RIMS1: variants seen among roughly 807,000 people sequenced by gnomAD.
RIMS1 encodes the protein regulating synaptic membrane exocytosis protein 1.
Under a neutral mutation model 214.1 loss-of-function variants are expected in RIMS1, and 83 were observed. The ratio of observed to expected loss-of-function variants is 0.39; its 90% confidence interval spans 0.32 to 0.47. The LOEUF (loss-of-function observed/expected upper bound fraction) is 0.47. Ranked by LOEUF, RIMS1 falls within the 20% of genes least tolerant of loss-of-function variation. The pLI is 0.99. For missense variants in RIMS1, 2,050 were observed against 2,161.8 expected (o/e 0.95, Z 1.03); for synonymous variants, 793 against 786.8 (o/e 1.01, Z -0.13).
intron 27 of RIMS1, among the ~76,000 whole-genome samples, chr6:72,311,284 G>A (rs2095497938): frequency 6.6e-6 from 1 of 152,120 alleles, no homozygotes; most frequent in South Asian, 2.1e-4. Context: ...CAGGAGTTGT[G>A]TTTGTAACGC....
chr6:71,962,657 T>C (rs1793289915), intron 1 of RIMS1, among the ~76,000 whole-genome samples: 1 of 152,192 alleles, frequency 6.6e-6, no homozygotes, highest in African/African-American at 2.4e-5. Context: ...GACATGAATA[T>C]ACAAATTTTT....
intron 28 of RIMS1, among the ~76,000 whole-genome samples, chr6:72,327,911 T>C (rs2096534495): frequency 2.0e-5 from 3 of 151,798 alleles, no homozygotes; most frequent in Admixed American, 2.0e-4. Flanking sequence ...TAATTCTCTA[T>C]GCTAGAATTA....
At chr6:72,360,120 A>G (rs1287380311) in intron 29 of RIMS1, among the ~76,000 whole-genome samples, 1 of 152,170 alleles carries the variant, frequency 6.6e-6, no homozygotes, top group East Asian at 1.9e-4. Flanking sequence ...TTGTATAGCC[A>G]TCTCAAACTG....
At chr6:72,195,589 G>A (rs1351569598) in intron 6 of RIMS1, among the ~76,000 whole-genome samples, 8 of 152,034 alleles carry the variant, frequency 5.3e-5, no homozygotes, top group Admixed American at 3.9e-4. Context: ...TTGGAGAATC[G>A]GGAACTCTTA....
intron 29 of RIMS1, among the ~76,000 whole-genome samples, chr6:72,363,206 T>G (rs1277002618): frequency 6.6e-6 from 1 of 152,016 alleles, no homozygotes; most frequent in East Asian, 1.9e-4. Context: ...AAAGGAATAT[T>G]ATAGATAATG....
At chr6:72,053,400 G>GA (rs1403143968) in intron 2 of RIMS1, among the ~76,000 whole-genome samples, 1 of 152,154 alleles carries the variant, frequency 6.6e-6, no homozygotes, top group Non-Finnish European at 1.5e-5. Flanking sequence ...CTTTGGTGGA[G>GA]AAATACCTTA....
At chr6:72,173,440 CAT>C (rs1411507652) in intron 4 of RIMS1, among the ~76,000 whole-genome samples, 2 of 151,780 alleles carry the variant, frequency 1.3e-5, no homozygotes, top group African/African-American at 2.4e-5. Flanking sequence ...ACTTTTATCT[CAT>C]GTTTTTTATT....
intron 2 of RIMS1, among the ~76,000 whole-genome samples, chr6:71,983,445 G>GTTTT (rs149037699): frequency 6.6e-6 from 1 of 151,626 alleles, no homozygotes; most frequent in African/African-American, 2.4e-5. Flanking sequence ...GAAAAAAAGG[G>GTTTT]TTTTTTTTAT....
At chr6:72,291,037 T>G (rs981156338) in intron 25 of RIMS1, among the ~76,000 whole-genome samples, 176 bp downstream of exon 25, 4 of 152,196 alleles carry the variant, frequency 2.6e-5, no homozygotes, top group Non-Finnish European at 5.9e-5. Context: ...ATCTTCACTG[T>G]GCTGGTGGTA....
chr6:72,023,770 C>A (rs1267379124), intron 2 of RIMS1, among the ~76,000 whole-genome samples: 1 of 151,860 alleles, frequency 6.6e-6, no homozygotes, highest in Non-Finnish European at 1.5e-5. Flanking sequence ...TTATTTCATG[C>A]TGAATTTATA....
intron 2 of RIMS1, among the ~76,000 whole-genome samples, chr6:72,016,176 CT>C (rs1812696493): frequency 6.6e-6 from 1 of 152,012 alleles, no homozygotes; most frequent in Admixed American, 6.6e-5. Flanking sequence ...TGTACATAAT[CT>C]TTTTTACGTG....
chr6:72,322,255 TAGC>T (rs1314897448), intron 28 of RIMS1, among the ~76,000 whole-genome samples: 1 of 152,138 alleles, frequency 6.6e-6, no homozygotes, highest in East Asian at 1.9e-4. Flanking sequence ...TACCTCATAG[TAGC>T]AGACTACATG....
chr6:72,209,031 T>A (rs1249265241), intron 6 of RIMS1, among the ~76,000 whole-genome samples: 1 of 152,174 alleles, frequency 6.6e-6, no homozygotes, highest in Non-Finnish European at 1.5e-5. Context: ...ATTGAAGATC[T>A]CTTTTAAACA....
chr6:72,016,173 A>G (rs1336176200), intron 2 of RIMS1, among the ~76,000 whole-genome samples: 1 of 152,162 alleles, frequency 6.6e-6, no homozygotes, highest in African/African-American at 2.4e-5. Flanking sequence ...TGGTGTACAT[A>G]ATCTTTTTTA....
chr6:71,996,038 C>T (rs1406972338), intron 2 of RIMS1, among the ~76,000 whole-genome samples: 2 of 152,046 alleles, frequency 1.3e-5, no homozygotes, highest in Non-Finnish European at 2.9e-5. Flanking sequence ...CACCCACCTC[C>T]CAAAGTGTTG....
At position 72,242,420 on chromosome 6, in the gene RIMS1, T is replaced by C; in HGVS notation, c.2064T>C (p.Ile688=). 2 of 1,559,948 alleles carry C rather than the reference T, an allele frequency of 1.3e-6. No individual in the cohort carries two copies. Among genetic ancestry groups the C allele is most frequent in the Non-Finnish European group, 1.7e-6 (2 of 1,150,296 alleles). Residue 688 remains isoleucine, a synonymous_variant, in exon 10 of 34, where the codon ATT becomes ATC. Transcript: ENST00000521978. ...ESKSEPQVEI[I]VSRPIGDIPR... ...AATCAGAACCTCAAGTTGAAATTAT[T>C]GTTTCAAGGCCTATTGGGTAAGGCT...
At chr6:72,261,288 G>A (rs1464849050) in intron 19 of RIMS1, 10 of 998,566 alleles carry the variant, frequency 1.0e-5, no homozygotes, top group Non-Finnish European at 8.3e-6. Context: ...CTTTCTTGAT[G>A]AAAAGTGAAG....
At chr6:72,377,969 C>T (rs1015672378) in intron 29 of RIMS1, among the ~76,000 whole-genome samples, 4 of 152,216 alleles carry the variant, frequency 2.6e-5, no homozygotes, top group African/African-American at 9.6e-5. Context: ...TATACTTACA[C>T]ATGCTGTCTG....
At chr6:71,899,685 C>T (rs1414149883) in intron 1 of RIMS1, among the ~76,000 whole-genome samples, 3 of 152,094 alleles carry the variant, frequency 2.0e-5, no homozygotes, top group Admixed American at 2.0e-4. Flanking sequence ...CACCCACAGC[C>T]CTTTCTGTGG....
Sources: gnomAD v4.1 joint callset for allele counts (sites outside exome capture counted in the v4.1 genomes callset) on GRCh38, gnomAD v4.1.1 for gene constraint, MANE v1.5 for transcripts, NCBI Gene and HGNC (gene_info 2026-07-23, HGNC 2026-07-21) for gene names.